The following SLC27A6 variants were observed in gnomAD, a reference collection of about 807,000 sequenced individuals.
SLC27A6 encodes the protein long-chain fatty acid transport protein 6.
Under a neutral mutation model 63.9 loss-of-function variants are expected in SLC27A6, and 74 were observed. The ratio of observed to expected loss-of-function variants is 1.16; its 90% CI spans 0.96 to 1.40. The LOEUF (loss-of-function observed/expected upper bound fraction) is 1.40. Ranked by LOEUF, SLC27A6 falls within the 40% of genes most tolerant of loss-of-function variation. The pLI, the probability that SLC27A6 is intolerant of heterozygous loss-of-function variation, is 0.00. For missense variants in SLC27A6, 794 were observed against 732.9 expected (o/e 1.08, Z -0.96); for synonymous variants, 287 against 260.8 (o/e 1.10, Z -0.97).
chr5:128,980,564 T>A (rs1750550105), intron 1 of SLC27A6, among the ~76,000 whole-genome samples: 1 of 152,198 alleles, frequency 6.6e-6, no homozygotes, highest in African/African-American at 2.4e-5. Context: ...TTTGCCTACT[T>A]AATCATCAAT....
intron 1 of SLC27A6, among the ~76,000 whole-genome samples, chr5:128,967,782 T>G (rs1463412811): frequency 6.6e-6 from 1 of 152,148 alleles, no homozygotes. Context: ...ATTATTATAC[T>G]TTAAGTTCTA....
chr5:129,006,571 G>T (rs1036803809), intron 4 of SLC27A6, among the ~76,000 whole-genome samples: 1 of 151,184 alleles, frequency 6.6e-6, no homozygotes, highest in Non-Finnish European at 1.5e-5. Context: ...AATAAATAAA[G>T]GAATCATATT....
At chr5:129,006,068 A>C (rs1235061106) in intron 4 of SLC27A6, among the ~76,000 whole-genome samples, 1 of 68,504 alleles carries the variant, frequency 1.5e-5, no homozygotes. Flanking sequence ...TCCTGTGCAC[A>C]CTGTTTTTTT....
chr5:128,974,188 A>C (rs1282298219), intron 1 of SLC27A6, among the ~76,000 whole-genome samples: 1 of 152,226 alleles, frequency 6.6e-6, no homozygotes, highest in Non-Finnish European at 1.5e-5. Flanking sequence ...TTGTTTAACT[A>C]GGACCAATTA....
chr5:128,980,535 C>T (rs1372736714), intron 1 of SLC27A6, among the ~76,000 whole-genome samples: 2 of 152,130 alleles, frequency 1.3e-5, no homozygotes, highest in Non-Finnish European at 2.9e-5. Context: ...TATGTTGGAA[C>T]CCATTCTTGG....
chr5:128,988,045 G>T (rs1475075089), intron 2 of SLC27A6, among the ~76,000 whole-genome samples: 1 of 151,926 alleles, frequency 6.6e-6, no homozygotes, highest in Admixed American at 6.6e-5. Flanking sequence ...AAAAAAAATA[G>T]AAATACCATG....
chr5:129,018,273 A>G (rs907877315), intron 5 of SLC27A6, among the ~76,000 whole-genome samples: 2 of 152,066 alleles, frequency 1.3e-5, no homozygotes, highest in African/African-American at 4.8e-5. Flanking sequence ...CTGTATAATA[A>G]ACTGCCATAC....
At chr5:128,974,003 G>C (rs1366977826) in intron 1 of SLC27A6, among the ~76,000 whole-genome samples, 1 of 152,176 alleles carries the variant, frequency 6.6e-6, no homozygotes, top group African/African-American at 2.4e-5. Flanking sequence ...TCCAAGTTTT[G>C]CTAATAATTG....
chr5:128,966,691 A>G, intron 1 of SLC27A6, 73 bp downstream of exon 1: 3 of 1,355,406 alleles, frequency 2.2e-6, no homozygotes, highest in South Asian at 2.1e-5. Context: ...TTTTTTCTTT[A>G]GGATAATTCG....
chr5:129,007,237 A>C (rs1346441280), intron 4 of SLC27A6, among the ~76,000 whole-genome samples: 1 of 151,976 alleles, frequency 6.6e-6, no homozygotes, highest in Non-Finnish European at 1.5e-5. Flanking sequence ...CAAGGTCAGG[A>C]GTTCAGGACC....
chr5:129,002,235 A>G (rs187679682), intron 4 of SLC27A6, among the ~76,000 whole-genome samples: 2 of 152,366 alleles, frequency 1.3e-5, no homozygotes, highest in Admixed American at 6.5e-5. Context: ...GGCTTACTCA[A>G]TGTGTGTATG....
intron 9 of SLC27A6, among the ~76,000 whole-genome samples, chr5:129,032,295 A>G (rs1181966): frequency 0.24 from 36,997 of 151,916 alleles, 5,722 homozygotes; most frequent in Non-Finnish European, 0.35. Context: ...CTTTCATTTC[A>G]TTTTCAAATA....
chr5:129,000,862 G>A (rs1300953711), intron 4 of SLC27A6, among the ~76,000 whole-genome samples: 13 of 151,754 alleles, frequency 8.6e-5, no homozygotes, highest in Admixed American at 7.9e-4. Context: ...CTGGGTCTGA[G>A]GCATTTGCTT....
At chr5:128,993,041 G>C (rs769340582) in intron 4 of SLC27A6, among the ~76,000 whole-genome samples, 3 of 152,138 alleles carry the variant, frequency 2.0e-5, no homozygotes, top group Non-Finnish European at 4.4e-5. Context: ...AGCTAATGTA[G>C]GTTTTCAGAA....
intron 4 of SLC27A6, among the ~76,000 whole-genome samples, chr5:129,015,626 A>C (rs1561629016): frequency 6.6e-6 from 1 of 151,778 alleles, no homozygotes; most frequent in East Asian, 1.9e-4. Flanking sequence ...CATTTACCCA[A>C]AAAAAAAGCC....
intron 1 of SLC27A6, among the ~76,000 whole-genome samples, chr5:128,983,293 T>G (rs1750674644): frequency 6.8e-6 from 1 of 147,474 alleles, no homozygotes; most frequent in African/African-American, 2.5e-5. Context: ...ATCCGGGTTT[T>G]TTTTTTTTTT....
intron 1 of SLC27A6, among the ~76,000 whole-genome samples, chr5:128,984,012 A>G (rs1312744849): frequency 1.3e-5 from 2 of 152,232 alleles, no homozygotes; most frequent in Non-Finnish European, 2.9e-5. Flanking sequence ...GATAACCTAT[A>G]TAGCACTCAG....
In SLC27A6 at chr5:129,016,059, A is replaced by C. The variant is rs1225539528; in HGVS notation, c.1144A>C (p.Arg382=). 1 of 1,589,488 alleles carries C rather than the reference A, an allele frequency of 6.3e-7. No homozygotes were observed. ...CACTGGGAGAATTGGAGCAATTGGG[A>C]GAACAAATTTGTTTTACAAAGTAAG... ...NYTGRIGAIG[R]TNLFYKLLST... The change falls in exon 5 of 10, where the codon AGA becomes CGA. Residue 382 remains arginine (R), a synonymous_variant. Coordinates refer to ENST00000262462, the MANE Select transcript of SLC27A6 (RefSeq NM_001017372.3).
intron 4 of SLC27A6, among the ~76,000 whole-genome samples, chr5:129,014,313 G>T (rs1161127182): frequency 6.6e-6 from 1 of 152,158 alleles, no homozygotes; most frequent in Non-Finnish European, 1.5e-5. Flanking sequence ...AGGAAAGGCT[G>T]GGGTTTTATT....
Sources: gnomAD v4.1 joint callset for allele counts (sites outside exome capture counted in the v4.1 genomes callset) on GRCh38, gnomAD v4.1.1 for gene constraint, MANE v1.5 for transcripts, NCBI Gene and HGNC (gene_info 2026-07-23, HGNC 2026-07-21) for gene names.